Variants in WWP2 observed in about 807,000 individuals in gnomAD.
WWP2 encodes the protein NEDD4-like E3 ubiquitin-protein ligase WWP2.
Under a neutral mutation model 121.0 loss-of-function variants are expected in WWP2, and 57 were observed. That is an observed-to-expected ratio of 0.47 (90% CI 0.38 to 0.59). WWP2 has a LOEUF of 0.59. Ranked by LOEUF, WWP2 falls within the 20% of genes least tolerant of loss-of-function variation. The pLI, the probability that WWP2 is intolerant of heterozygous loss-of-function variation, is 0.00. For synonymous variants in WWP2, 449 were observed against 441.3 expected (o/e 1.02, Z -0.22); for missense variants, 962 against 1,158.9 (o/e 0.83, Z 2.47).
chr16:69,804,404 T>TC, intron 4 of WWP2, among the ~76,000 whole-genome samples: 1 of 152,336 alleles, frequency 6.6e-6, no homozygotes, highest in African/African-American at 2.4e-5. Flanking sequence ...TTCATTTTTT[T>TC]CCCTAATATG....
intron 6 of WWP2, among the ~76,000 whole-genome samples, chr16:69,864,706 T>C (rs1489316141): frequency 2.0e-5 from 3 of 151,388 alleles, no homozygotes; most frequent in Non-Finnish European, 4.4e-5. Flanking sequence ...CCAGCCACTA[T>C]GCCTGACGAA....
intron 7 of WWP2, among the ~76,000 whole-genome samples, chr16:69,887,571 A>G (rs1332022707): frequency 6.6e-6 from 1 of 151,874 alleles, no homozygotes; most frequent in Non-Finnish European, 1.5e-5. Flanking sequence ...ATGCCCAGCT[A>G]AATTTTGTAT....
chr16:69,906,078 CT>C (rs111829274), intron 8 of WWP2, among the ~76,000 whole-genome samples: 141 of 145,348 alleles, frequency 9.7e-4, no homozygotes, highest in Admixed American at 1.0e-3. Context: ...TCTTTTCTTT[CT>C]TTTTTTTTTT....
chr16:69,933,903 A>C (rs1293554835), intron 16 of WWP2, 67 bp from the exon 17 acceptor site: 30 of 1,551,832 alleles, frequency 1.9e-5, no homozygotes, highest in Non-Finnish European at 2.6e-5. Flanking sequence ...GTGAAGAGAC[A>C]CAGCTCCTGT....
intron 1 of WWP2, among the ~76,000 whole-genome samples, chr16:69,771,122 T>G (rs756021397): frequency 2.6e-5 from 4 of 152,176 alleles, no homozygotes; most frequent in Non-Finnish European, 5.9e-5. Context: ...TCCAGAAGAT[T>G]GACAGGTCTG....
intron 9 of WWP2, among the ~76,000 whole-genome samples, chr16:69,914,765 AAAAAG>A: frequency 6.6e-6 from 1 of 152,202 alleles, no homozygotes; most frequent in Non-Finnish European, 1.5e-5. Flanking sequence ...CAAAGAAACA[AAAAAG>A]AAAATGATTT....
chr16:69,917,259 G>A (rs1268850235), intron 9 of WWP2, among the ~76,000 whole-genome samples: 1 of 152,200 alleles, frequency 6.6e-6, no homozygotes, highest in African/African-American at 2.4e-5. Context: ...TTTCTGCTCT[G>A]CCATCCACTG....
intron 7 of WWP2, among the ~76,000 whole-genome samples, chr16:69,876,043 C>T (rs569009090): frequency 1.1e-4 from 17 of 152,268 alleles, no homozygotes; most frequent in African/African-American, 1.9e-4. Flanking sequence ...CTGCAACCTC[C>T]GCCTCCTGGG....
chr16:69,934,225 C>G lies in WWP2; in HGVS notation c.1842+96C>G, dbSNP rs2058762322. ...GCCAGGGGCACCAGGGGAATCTGCT[C>G]TTTCTCTGAGACCTCCAGGAAGGGG... On this transcript the variant is annotated intron_variant, in intron 17 of 23. Coordinates refer to ENST00000359154, the MANE Select transcript of WWP2 (RefSeq NM_001270454.2). 4.1e-6 allele frequency: 6 copies of G among 1,480,816 alleles called. No individual in the cohort carries two copies. The South Asian group carries it at 6.2e-5, about 15-fold the overall frequency. The allele number at this position is 1,480,816 out of a possible 1,614,324, so 91.7% of individuals were successfully genotyped here.
intron 4 of WWP2, among the ~76,000 whole-genome samples, chr16:69,831,141 C>T (rs1163729955): frequency 6.6e-6 from 1 of 152,168 alleles, no homozygotes; most frequent in African/African-American, 2.4e-5. Context: ...GCTTCAGAGA[C>T]TCTTAATCCT....
intron 6 of WWP2, among the ~76,000 whole-genome samples, chr16:69,844,805 G>A (rs1255484627): frequency 2.6e-5 from 4 of 152,206 alleles, no homozygotes; most frequent in African/African-American, 7.2e-5. Flanking sequence ...CTTTTACTAC[G>A]TGTAGCATCT....
At chr16:69,900,145 T>C (rs943086083) in intron 8 of WWP2, among the ~76,000 whole-genome samples, 1 of 152,340 alleles carries the variant, frequency 6.6e-6, no homozygotes. Flanking sequence ...CTTTGGGATA[T>C]GTCCTAGAAG....
At chr16:69,816,497 CAT>C (rs1285081425) in intron 4 of WWP2, among the ~76,000 whole-genome samples, 1 of 147,946 alleles carries the variant, frequency 6.8e-6, no homozygotes, top group Non-Finnish European at 1.5e-5. Flanking sequence ...AATATATAAA[CAT>C]ATATACACTA....
At chr16:69,823,475 G>T (rs1296097014) in intron 4 of WWP2, among the ~76,000 whole-genome samples, 20 of 143,630 alleles carry the variant, frequency 1.4e-4, no homozygotes, top group African/African-American at 3.8e-4. Flanking sequence ...TTTTTCTTGT[G>T]TTTTTTTTTT....
chr16:69,910,296 A>G (rs750256038), intron 9 of WWP2: 119 of 878,566 alleles, frequency 1.4e-4, no homozygotes, highest in Admixed American at 5.0e-4. Context: ...TCAATATTTG[A>G]CTTTCTATAA....
At chr16:69,828,163 G>T (rs2056736032) in intron 4 of WWP2, 2 of 329,896 alleles carry the variant, frequency 6.1e-6, no homozygotes, top group South Asian at 5.0e-5. Context: ...GGGTGGTCCT[G>T]GTTGGTGAGT....
At chr16:69,907,989 C>G (rs2058320186) in intron 8 of WWP2, among the ~76,000 whole-genome samples, 2 of 152,238 alleles carry the variant, frequency 1.3e-5, no homozygotes, top group Middle Eastern at 6.8e-3. Flanking sequence ...TCCTGTAATC[C>G]CAGCACTTTG....
intron 4 of WWP2, among the ~76,000 whole-genome samples, chr16:69,821,270 A>G (rs940761939): frequency 2.6e-5 from 4 of 152,108 alleles, no homozygotes; most frequent in Non-Finnish European, 5.9e-5. Context: ...CACACCCTCA[A>G]CTTCTCAAAG....
At chr16:69,928,165 C>A (rs2058665696) in intron 11 of WWP2, among the ~76,000 whole-genome samples, 1 of 150,564 alleles carries the variant, frequency 6.6e-6, no homozygotes, top group African/African-American at 2.4e-5. Flanking sequence ...CTTCCCTGTT[C>A]TGCTCCTTTT....
Sources: allele counts gnomAD v4.1 joint callset (sites outside exome capture counted in the v4.1 genomes callset), GRCh38; gene constraint gnomAD v4.1.1; transcripts MANE v1.5; gene names NCBI Gene and HGNC (gene_info 2026-07-23, HGNC 2026-07-21).